Variants in SLC12A3 observed in about 807,000 individuals in gnomAD.
SLC12A3 encodes solute carrier family 12 member 3.
A neutral mutation model predicts 121.0 loss-of-function variants in SLC12A3; 104 were observed. The ratio of observed to expected loss-of-function variants is 0.86; its 90% CI spans 0.73 to 1.01. The LOEUF is 1.01. SLC12A3 is among the 50% of genes least tolerant of loss of function. SLC12A3 has a pLI of 0.00. For synonymous variants in SLC12A3, 536 were observed against 533.4 expected (o/e 1.00, Z -0.07); for missense variants, 1,328 against 1,356.3 (o/e 0.98, Z 0.33).
rs184968436 is a variant in SLC12A3, at chr16:56,904,317, A to T, written c.2857-78A>T. On this transcript the variant is annotated intron_variant, in intron 24 of 25. Transcript: ENST00000563236. ...AATCATGAATCCAGTTGAAAATGTT[A>T]ATGAGGCCATAGACGTGGTGAAGGA... 3.1e-6 allele frequency: 4 copies of T among 1,279,366 alleles called. No homozygotes were observed. In the Admixed American group the frequency reaches 6.7e-5, roughly 22 times the overall value. 79.3% of individuals were successfully genotyped at this position (1,279,366 alleles called of 1,614,324 possible). A position where few individuals can be genotyped will look rare whatever the true frequency, so the allele number is the denominator to read the frequency against.
At position 56,906,721 on chromosome 16, in the gene SLC12A3, A is replaced by G. The variant is rs1337900537; in HGVS notation, c.2924+2259A>G. On this transcript the variant is annotated intron_variant, in intron 25 of 25. Coordinates refer to ENST00000563236, the MANE Select transcript of SLC12A3 (RefSeq NM_001126108.2). ...ATCTTTGCATTTGGATTTAGAACTAATTTTGGTGGTGGCAAGACAACTAGC... is the reference window on the plus strand; with the variant it reads ...ATCTTTGCATTTGGATTTAGAACTAGTTTTGGTGGTGGCAAGACAACTAGC... 8.1e-6 allele frequency: 5 copies of G among 619,772 alleles called. No homozygotes were observed. The Admixed American group carries it at 1.3e-4, about 17-fold the overall frequency. The allele number at this position is 619,772 out of a possible 1,614,324, so 38.4% of individuals were successfully genotyped here.
At chr16:56,912,982 G>A (rs183708859) in intron 25 of SLC12A3, among the ~76,000 whole-genome samples, 84 of 152,278 alleles carry the variant, frequency 5.5e-4, no homozygotes, top group African/African-American at 1.9e-3. Context: ...ACAGGGCATC[G>A]GGGGTGAGCA....
chr16:56,880,043 C>T lies in SLC12A3; in HGVS notation c.1444-87C>T, dbSNP rs13306669. On this transcript the variant is annotated intron_variant, in intron 11 of 25. Transcript: ENST00000563236. ...AGGTTGGGGAGGTCACGGAGGGCAC[C>T]GAGCCGGGGCTGGAGCTCAGGTGGC... 223 of 1,554,050 alleles carry T rather than the reference C, an allele frequency of 1.4e-4. 2 individuals carry two copies. In the East Asian group the frequency reaches 4.0e-3, roughly 28 times the overall value.
rs371739823 is a variant in SLC12A3 at position 56,899,606 on chromosome 16, C to A, written c.2710C>A (p.Arg904=). The A allele has an allele frequency of 1.9e-6, 3 of 1,613,718 alleles. No homozygotes were observed. Among genetic ancestry groups the A allele is most frequent in the African/African-American group, 1.3e-5 (1 of 75,060 alleles). The change falls in exon 23 of 26, where the codon CGG becomes AGG. Residue 904 remains arginine, a synonymous_variant. Coordinates refer to ENST00000563236, the MANE Select transcript of SLC12A3 (RefSeq NM_001126108.2). ...CCTCCCTGACATCAACCAGAACCCTCGGGCTGAGCAGTAAGTTCTGTTTTG... is the reference window on the plus strand; with the variant it reads ...CCTCCCTGACATCAACCAGAACCCTAGGGCTGAGCAGTAAGTTCTGTTTTG... ...HILPDINQNP[R]AEHTKRFEDM...
intron 9 of SLC12A3, among the ~76,000 whole-genome samples, chr16:56,878,384 G>A (rs1004794871): frequency 6.6e-6 from 1 of 152,134 alleles, no homozygotes; most frequent in Non-Finnish European, 1.5e-5. Flanking sequence ...AGTGGGCGTG[G>A]TGGGGTCAGA....
rs776384117 is a variant in SLC12A3 at position 56,870,758 on chromosome 16, G to T, written c.852+22G>T. On this transcript the variant is annotated intron_variant, in intron 6 of 25. Transcript: ENST00000563236. ...CAAGGTGAGGAGGCCATGGAGGAGG[G>T]GGACATGGAGGTGGTCACGTGGAGA... 2.1e-6 allele frequency: 3 copies of T among 1,458,720 alleles called. No individual in the cohort carries two copies. In the African/African-American group the frequency reaches 4.2e-5, roughly 20 times the overall value. The allele number at this position is 1,458,720 out of a possible 1,614,324, so 90.4% of individuals were successfully genotyped here. A position where few individuals can be genotyped will look rare whatever the true frequency, so the allele number is the denominator to read the frequency against.
intron 24 of SLC12A3, among the ~76,000 whole-genome samples, chr16:56,903,520 C>A (rs1160825015): frequency 6.6e-6 from 1 of 152,166 alleles, no homozygotes; most frequent in African/African-American, 2.4e-5. Context: ...GAGGAGAGAC[C>A]TGCGATGCTG....
In SLC12A3 at chr16:56,879,407, T is replaced by A; in HGVS notation, c.1336-135T>A. On this transcript the variant is annotated intron_variant, in intron 10 of 25. Coordinates refer to ENST00000563236, the MANE Select transcript of SLC12A3 (RefSeq NM_001126108.2). ...CCCGACTTGTGGGTGGACACTGGGATCTCCAGGGGTGGGTTGTGGACTCAG... is the reference window on the plus strand; with the variant it reads ...CCCGACTTGTGGGTGGACACTGGGAACTCCAGGGGTGGGTTGTGGACTCAG... 3 of 1,044,002 alleles carry A rather than the reference T, an allele frequency of 2.9e-6. 1 individual carries two copies. Among genetic ancestry groups the A allele is most frequent in the Non-Finnish European group, 4.3e-6 (3 of 692,082 alleles). The allele number at this position is 1,044,002 out of a possible 1,614,324, so 64.7% of individuals were successfully genotyped here. A position where few individuals can be genotyped will look rare whatever the true frequency, so the allele number is the denominator to read the frequency against.
intron 22 of SLC12A3, among the ~76,000 whole-genome samples, chr16:56,896,642 A>G (rs1471486013): frequency 6.6e-6 from 1 of 152,194 alleles, no homozygotes; most frequent in Non-Finnish European, 1.5e-5. Context: ...AGTACTGGCC[A>G]CTTGAGGCTG....
At chr16:56,882,290 C>G (rs898708986) in intron 12 of SLC12A3, 106 bp from the exon 13 acceptor site, 4 of 851,026 alleles carry the variant, frequency 4.7e-6, no homozygotes, top group South Asian at 1.3e-5. Context: ...ACTGACTGAG[C>G]CTTGGTGGCC....
In SLC12A3 at chr16:56,885,653, C is replaced by T. The variant is rs1247123200; in HGVS notation, c.1925+289C>T. On this transcript the variant is annotated intron_variant, in intron 15 of 25. Transcript: ENST00000563236. ...GTTGCTGCAGCTCCCATCACAGTATCGCCGGAGCCAATGGTGACGAACCTC... is the reference window on the plus strand; with the variant it reads ...GTTGCTGCAGCTCCCATCACAGTATTGCCGGAGCCAATGGTGACGAACCTC... 6.6e-5 allele frequency among the ~76,000 whole-genome samples: 10 copies of T among 152,260 alleles called. No homozygotes were observed. The South Asian group carries it at 1.9e-3, about 28-fold the overall frequency.
Position 56,887,972 on chromosome 16 carries a change from C to T in SLC12A3, c.2226C>T (p.Phe742=). The change falls in exon 18 of 26, where the codon TTC becomes TTT. Residue 742 remains phenylalanine, a synonymous_variant. Coordinates refer to ENST00000563236, the MANE Select transcript of SLC12A3 (RefSeq NM_001126108.2). The part of the protein sequence containing the change: ...RMKPNILVVG[F]KKNWQSAHPA... The stretch of plus-strand genomic sequence containing the variant: ...AGCCCAACATTCTGGTGGTTGGGTT[C>T]AAGAAGAACTGGCAGTCGGCTCACC... 6.2e-7 allele frequency: 1 copy of T among 1,612,684 alleles called. No homozygotes were observed. Among genetic ancestry groups the T allele is most frequent in the South Asian group, 1.1e-5 (1 of 91,068 alleles).
At chr16:56,907,401 T>C (rs1455492033) in intron 25 of SLC12A3, among the ~76,000 whole-genome samples, 1 of 152,036 alleles carries the variant, frequency 6.6e-6, no homozygotes, top group Admixed American at 6.5e-5. Context: ...GAGGTTGCCG[T>C]GAGCCAAGAT....
intron 23 of SLC12A3, among the ~76,000 whole-genome samples, chr16:56,900,455 C>T (rs2055522381): frequency 2.0e-5 from 3 of 152,154 alleles, no homozygotes; most frequent in Non-Finnish European, 4.4e-5. Context: ...AAAAAGAGAT[C>T]AGGGAGATCT....
chr16:56,873,105 C>T (rs2055120477), intron 8 of SLC12A3, among the ~76,000 whole-genome samples: 1 of 152,202 alleles, frequency 6.6e-6, no homozygotes, highest in Non-Finnish European at 1.5e-5. Flanking sequence ...TCATGCACAT[C>T]TTTGCTGGGC....
intron 25 of SLC12A3, among the ~76,000 whole-genome samples, chr16:56,911,627 A>G (rs2010501): frequency 0.38 from 57,093 of 151,994 alleles, 11,290 homozygotes; most frequent in African/African-American, 0.51. Context: ...GGCCCGGGAC[A>G]TTGCTTTTTA....
chr16:56,908,471 A>G (rs1211474542), intron 25 of SLC12A3, among the ~76,000 whole-genome samples: 3 of 152,050 alleles, frequency 2.0e-5, no homozygotes, highest in Non-Finnish European at 4.4e-5. Context: ...TTTATAGTGT[A>G]GTCAATTGTG....
chr16:56,911,901 T>G (rs1453932353), intron 25 of SLC12A3, among the ~76,000 whole-genome samples: 1 of 152,254 alleles, frequency 6.6e-6, no homozygotes, highest in East Asian at 1.9e-4. Flanking sequence ...CATTGTGCTG[T>G]GCCTGCGTGT....
Position 56,913,414 on chromosome 16 carries a change from T to C in SLC12A3, c.*9T>C. 6.2e-7 allele frequency: 1 copy of C among 1,614,070 alleles called. No homozygotes were observed. The highest frequency in any genetic ancestry group is 8.5e-7 in the Non-Finnish European group (1 of 1,179,900). On this transcript the variant is annotated 3_prime_UTR_variant, in exon 26 of 26. Coordinates refer to ENST00000563236, the MANE Select transcript of SLC12A3 (RefSeq NM_001126108.2). ...CCTTTTACTGCCAGTAACTCCAGGC[T>C]TTGACATCCCTGTCCACAGCTCTGA...
Sources: allele counts gnomAD v4.1 joint callset (sites outside exome capture counted in the v4.1 genomes callset), GRCh38; gene constraint gnomAD v4.1.1; transcripts MANE v1.5; gene names NCBI Gene and HGNC (gene_info 2026-07-23, HGNC 2026-07-21).